CCDC81: variants seen among roughly 807,000 people sequenced by gnomAD.
CCDC81 encodes coiled-coil domain-containing protein 81.
CCDC81 carries 79 observed loss-of-function variants against 83.7 expected under a neutral mutation model. That is an observed-to-expected ratio of 0.94 (90% CI 0.79 to 1.14). The LOEUF is 1.14. Ranked by LOEUF, CCDC81 falls within the 50% of genes most tolerant of loss-of-function variation. CCDC81 has a pLI of 0.00. For missense variants in CCDC81, 791 were observed against 778.1 expected (o/e 1.02, Z -0.20); for synonymous variants, 252 against 278.1 (o/e 0.91, Z 0.93).
intron 9 of CCDC81, 93 bp downstream of exon 9, chr11:86,408,363 C>T (rs1175420807): frequency 5.0e-6 from 6 of 1,194,270 alleles, no homozygotes; most frequent in African/African-American, 3.2e-5. Flanking sequence ...CGCAGGGTCT[C>T]ACTCTGTCAC....
intron 11 of CCDC81, among the ~76,000 whole-genome samples, chr11:86,414,118 A>C (rs1948683584): frequency 6.6e-6 from 1 of 152,194 alleles, no homozygotes; most frequent in African/African-American, 2.4e-5. Context: ...TTCAAAATAA[A>C]TCAGTTTATA....
chr11:86,394,814 ATG>A (rs1948381544), intron 4 of CCDC81, among the ~76,000 whole-genome samples: 1 of 152,216 alleles, frequency 6.6e-6, no homozygotes, highest in African/African-American at 2.4e-5. Flanking sequence ...AGTATTTACT[ATG>A]TGCTAGCTAC....
rs767001191 is a variant in CCDC81, at chr11:86,407,631, G to T, written c.899G>T (p.Cys300Phe). The change falls in exon 8 of 15, where the codon TGT becomes TTT. Residue 300 changes from cysteine to phenylalanine, a missense_variant. By Grantham distance (205) the Cys-to-Phe change is radical. Coordinates refer to ENST00000445632, the MANE Select transcript of CCDC81 (RefSeq NM_001156474.2). ...TTTTATAGCTTATCATATCCAAGTT[G>T]TCTGAAACACGACAGTGAGATGAAG... ...MTPESLSYPSCLKHDSEMKPQ... is the reference protein window; with the variant it reads ...MTPESLSYPSFLKHDSEMKPQ... 1.4e-5 allele frequency: 22 copies of T among 1,612,764 alleles called. No individual in the cohort carries two copies. Among genetic ancestry groups the T allele is most frequent in the Non-Finnish European group, 1.6e-5 (19 of 1,179,198 alleles).
intron 1 of CCDC81, among the ~76,000 whole-genome samples, chr11:86,381,311 G>C (rs1053110122): frequency 3.3e-5 from 5 of 152,288 alleles, no homozygotes; most frequent in African/African-American, 1.2e-4. Context: ...AGGTCATTAA[G>C]GACAACAGAG....
At chr11:86,393,918 G>T (rs1013470335) in intron 4 of CCDC81, among the ~76,000 whole-genome samples, 1 of 152,104 alleles carries the variant, frequency 6.6e-6, no homozygotes, top group Non-Finnish European at 1.5e-5. Flanking sequence ...TAATGAAAAG[G>T]CTATTAATAT....
chr11:86,406,685 A>G (rs1948570926), intron 7 of CCDC81, among the ~76,000 whole-genome samples: 1 of 152,050 alleles, frequency 6.6e-6, no homozygotes, highest in Non-Finnish European at 1.5e-5. Flanking sequence ...TGCACCTGTA[A>G]TCCCAGCTAC....
intron 7 of CCDC81, among the ~76,000 whole-genome samples, chr11:86,402,971 G>A (rs1948513287): frequency 6.6e-6 from 1 of 151,438 alleles, no homozygotes; most frequent in African/African-American, 2.4e-5. Flanking sequence ...CCGAGTAGCT[G>A]GGACTATAGG....
chr11:86,389,581 C>T (rs886981986), intron 3 of CCDC81, among the ~76,000 whole-genome samples: 6 of 152,014 alleles, frequency 3.9e-5, no homozygotes, highest in Non-Finnish European at 8.8e-5. Flanking sequence ...AGGCACCACA[C>T]ACTTTTAAAC....
At chr11:86,386,387 G>A (rs1948241911) in intron 2 of CCDC81, among the ~76,000 whole-genome samples, 1 of 152,198 alleles carries the variant, frequency 6.6e-6, no homozygotes, top group African/African-American at 2.4e-5. Flanking sequence ...TGATCAGCCT[G>A]GGTGTGTGTA....
chr11:86,420,023 A>G lies in CCDC81; in HGVS notation c.1787A>G (p.Gln596Arg). ...DWERSAAMKKQRDLEDKAFER... is the reference protein window; with the variant it reads ...DWERSAAMKKRRDLEDKAFER... ...GAAAGGAGTGCTGCGATGAAGAAGC[A>G]GCGAGACCTGGAGGACAAGGCTTTT... Residue 596 changes from glutamine (Q) to arginine (R), a missense_variant, in exon 14 of 15, where the codon CAG becomes CGG. Physicochemically the swap from Gln to Arg is conservative, Grantham distance 43 (BLOSUM62 1). Coordinates refer to ENST00000445632, the MANE Select transcript of CCDC81 (RefSeq NM_001156474.2). The G allele has an allele frequency of 6.2e-7, 1 of 1,613,894 alleles. No homozygotes were observed. The highest frequency in any genetic ancestry group is 8.5e-7 in the Non-Finnish European group (1 of 1,179,912).
intron 1 of CCDC81, among the ~76,000 whole-genome samples, chr11:86,380,636 T>A (rs1383219286): frequency 6.6e-6 from 1 of 152,112 alleles, no homozygotes; most frequent in Non-Finnish European, 1.5e-5. Flanking sequence ...TTTTTTCCAG[T>A]CTTTGTTCGC....
At chr11:86,409,109 A>G (rs1948602085) in intron 9 of CCDC81, 152 bp from the exon 10 acceptor site, 2 of 427,824 alleles carry the variant, frequency 4.7e-6, no homozygotes, top group African/African-American at 2.1e-5. Flanking sequence ...TTATAAATCT[A>G]TAGAGATATC....
intron 12 of CCDC81, 110 bp from the exon 13 acceptor site, chr11:86,414,983 C>T (rs1593941285): frequency 7.1e-7 from 1 of 1,411,040 alleles, no homozygotes; most frequent in Non-Finnish European, 9.8e-7. Context: ...AGTTTTTGTG[C>T]CCCGCATTCC....
chr11:86,402,134 CA>C (rs540502448), intron 7 of CCDC81, among the ~76,000 whole-genome samples: 16 of 89,178 alleles, frequency 1.8e-4, no homozygotes, highest in Middle Eastern at 6.3e-3. Flanking sequence ...GACTCTGTCT[CA>C]AAAAAAAAAA....
chr11:86,379,990 A>G (rs1040053216), intron 1 of CCDC81, among the ~76,000 whole-genome samples: 1 of 151,310 alleles, frequency 6.6e-6, no homozygotes, highest in African/African-American at 2.4e-5. Context: ...TGTCTCAAAG[A>G]AAAAAAAAGT....
chr11:86,399,714 C>T (rs746815658), intron 6 of CCDC81, among the ~76,000 whole-genome samples: 4 of 151,838 alleles, frequency 2.6e-5, no homozygotes, highest in Non-Finnish European at 5.9e-5. Context: ...TTCTTTCAAT[C>T]TATCTCCATC....
intron 14 of CCDC81, among the ~76,000 whole-genome samples, chr11:86,421,642 T>A (rs1948792486): frequency 6.6e-6 from 1 of 152,196 alleles, no homozygotes; most frequent in Non-Finnish European, 1.5e-5. Flanking sequence ...TCTGGCTGGA[T>A]GCCATGGCTC....
chr11:86,381,074 G>T (rs1343183671), intron 1 of CCDC81, among the ~76,000 whole-genome samples: 3 of 152,152 alleles, frequency 2.0e-5, no homozygotes, highest in Non-Finnish European at 4.4e-5. Flanking sequence ...AGAGTGTGGG[G>T]GGTGGGAAAG....
chr11:86,408,959 GA>G (rs1948600051), intron 9 of CCDC81, among the ~76,000 whole-genome samples: 1 of 152,164 alleles, frequency 6.6e-6, no homozygotes, highest in Non-Finnish European at 1.5e-5. Flanking sequence ...GCTGTATCCA[GA>G]TTTATGTGGT....
Sources: allele counts gnomAD v4.1 joint callset (sites outside exome capture counted in the v4.1 genomes callset), GRCh38; gene constraint gnomAD v4.1.1; transcripts MANE v1.5; gene names NCBI Gene and HGNC (gene_info 2026-07-23, HGNC 2026-07-21).